IGFBP2: variants seen among roughly 807,000 people sequenced by gnomAD.
IGFBP2 encodes insulin-like growth factor-binding protein 2.
In IGFBP2, 12 loss-of-function variants were observed where a neutral mutation model predicts 26.2. That is an observed-to-expected ratio of 0.46 (90% CI 0.29 to 0.74). The LOEUF (loss-of-function observed/expected upper bound fraction) is 0.74. Ranked by LOEUF, IGFBP2 falls within the 30% of genes least tolerant of loss-of-function variation. The pLI is 0.09. For missense variants in IGFBP2, 328 were observed against 441.2 expected, an observed-to-expected ratio of 0.74 and a Z score of 2.30; for synonymous variants, 189 against 200.6, an observed-to-expected ratio of 0.94 and a Z score of 0.49.
chr2:216,664,152 A>C lies in IGFBP2; in HGVS notation c.*48A>C. ...CGCCCCTGCCCCCCGCCCCTCTCCAAACACCGGCAGAAAACGGAGAGTGCT... is the reference window on the plus strand; with the variant it reads ...CGCCCCTGCCCCCCGCCCCTCTCCACACACCGGCAGAAAACGGAGAGTGCT... On this transcript the variant is annotated 3_prime_UTR_variant, in exon 4 of 4. Transcript: ENST00000233809. The surrounding 1 kb of genome is among the most constrained non-coding windows in gnomAD (Gnocchi z 4.6). 1 of 1,452,228 alleles carries C rather than the reference A, an allele frequency of 6.9e-7. No individual in the cohort carries two copies. The highest frequency in any genetic ancestry group is 9.2e-7 in the Non-Finnish European group (1 of 1,082,420). 90.0% of individuals were successfully genotyped at this position (1,452,228 alleles called of 1,614,324 possible).
In IGFBP2 at chr2:216,651,118, A is replaced by G. The variant is rs545658181; in HGVS notation, c.443-9439A>G. Among the ~76,000 whole-genome samples, 13 of 152,282 alleles carry G rather than the reference A, an allele frequency of 8.5e-5. No homozygotes were observed. The East Asian group carries it at 2.5e-3, about 29-fold the overall frequency. ...TTTTGAAAAAAAAAGTCAGGGGAAG[A>G]CACATAAACAGTGTCACTCACCCAC... is the stretch of plus-strand genomic sequence containing the variant. On this transcript the variant is annotated intron_variant, in intron 1 of 3. Coordinates refer to ENST00000233809, the MANE Select transcript of IGFBP2 (RefSeq NM_000597.3).
rs866510747 is a variant in IGFBP2 at position 216,633,694 on chromosome 2, G to A, written c.171G>A (p.Pro57=). Residue 57 remains proline, a synonymous_variant, in exon 1 of 4, where the codon CCG becomes CCA. Transcript: ENST00000233809. ...GCCTGGCCGCCTGCGGGCCCCCGCC[G>A]GTTGCGCCGCCCGCCGCGGTGGCCG... ...PERLAACGPP[P]VAPPAAVAAV... 41 of 1,171,468 alleles carry A rather than the reference G, an allele frequency of 3.5e-5. No individual in the cohort carries two copies. The African/African-American group carries it at 6.0e-4, about 17-fold the overall frequency. The allele number at this position is 1,171,468 out of a possible 1,614,324, so 72.6% of individuals were successfully genotyped here. A position where few individuals can be genotyped will look rare whatever the true frequency, so the allele number is the denominator to read the frequency against.
chr2:216,647,727 A>T (rs373092135), intron 1 of IGFBP2, among the ~76,000 whole-genome samples: 1 of 152,062 alleles, frequency 6.6e-6, no homozygotes, highest in Non-Finnish European at 1.5e-5. Context: ...TCACCATGTT[A>T]GCCAGGATGG....
Position 216,660,629 on chromosome 2 carries a change from G to T in IGFBP2, c.515G>T (p.Gly172Val). Residue 172 changes from glycine to valine, a missense_variant, in exon 2 of 4, where the codon GGG becomes GTG. Coordinates refer to ENST00000233809, the MANE Select transcript of IGFBP2 (RefSeq NM_000597.3). The part of the protein sequence containing the change: ...HVDSTMNMLG[G>V]GGSAGRKPLK... ...GACAGCACCATGAACATGTTGGGCG[G>T]GGGAGGCAGTGCTGGCCGGAAGCCC... 6.2e-7 allele frequency: 1 copy of T among 1,614,128 alleles called. No individual in the cohort carries two copies. Among genetic ancestry groups the T allele is most frequent in the Non-Finnish European group, 8.5e-7 (1 of 1,180,032 alleles).
At chr2:216,644,391 G>A (rs968795824) in intron 1 of IGFBP2, among the ~76,000 whole-genome samples, 1 of 152,188 alleles carries the variant, frequency 6.6e-6, no homozygotes, top group Non-Finnish European at 1.5e-5. Context: ...TTTCTAATTA[G>A]TGGAGGACGG....
At chr2:216,646,992 T>C (rs1288069489) in intron 1 of IGFBP2, among the ~76,000 whole-genome samples, 1 of 152,174 alleles carries the variant, frequency 6.6e-6, no homozygotes, top group Non-Finnish European at 1.5e-5. Flanking sequence ...AACACATGCT[T>C]TTTCATGCTG....
Position 216,633,428 on chromosome 2 carries a change from A to G in IGFBP2, c.-96A>G, listed in dbSNP as rs1020942699. 1 of 190,548 alleles carries G rather than the reference A, an allele frequency of 5.2e-6. No individual in the cohort carries two copies. The highest frequency in any genetic ancestry group is 9.8e-6 in the Non-Finnish European group (1 of 101,904). The allele number at this position is 190,548 out of a possible 1,614,324, so 11.8% of individuals were successfully genotyped here. On this transcript the variant is annotated 5_prime_UTR_variant, in exon 1 of 4. Transcript: ENST00000233809. ...CTGCGGCGGCGAGGGAGGAGGAAGA[A>G]GCGGAGGAGGCGGCTCCCGCGCTCG...
chr2:216,651,292 T>C (rs1177676018), intron 1 of IGFBP2, among the ~76,000 whole-genome samples: 1 of 152,190 alleles, frequency 6.6e-6, no homozygotes, highest in East Asian at 1.9e-4. Context: ...GCTGTGCTAT[T>C]GAACATAGTG....
At chr2:216,655,972 G>T (rs1697914801) in intron 1 of IGFBP2, among the ~76,000 whole-genome samples, 1 of 151,572 alleles carries the variant, frequency 6.6e-6, no homozygotes, top group South Asian at 2.1e-4. Flanking sequence ...ATATTATATA[G>T]TAAGACTTTT....
intron 1 of IGFBP2, among the ~76,000 whole-genome samples, chr2:216,641,987 G>A (rs1448742661): frequency 1.4e-5 from 2 of 143,728 alleles, no homozygotes; most frequent in Admixed American, 7.1e-5. Flanking sequence ...CATGGTGCCC[G>A]ACCAGGCTTA....
At chr2:216,655,787 C>G (rs370576754) in intron 1 of IGFBP2, among the ~76,000 whole-genome samples, 2 of 151,794 alleles carry the variant, frequency 1.3e-5, no homozygotes, top group South Asian at 4.2e-4. Flanking sequence ...TCCAGCTACT[C>G]GAGAAGCTGA....
Position 216,633,619 on chromosome 2 carries a change from C to CGGG in IGFBP2, c.98_100dup (p.Gly33dup), listed in dbSNP as rs1697432818. 9.9e-7 allele frequency: 1 copy of CGGG among 1,013,662 alleles called. No homozygotes were observed. The highest frequency in any genetic ancestry group is 1.7e-5 in the African/African-American group (1 of 57,182). The allele number at this position is 1,013,662 out of a possible 1,614,324, so 62.8% of individuals were successfully genotyped here. A position where few individuals can be genotyped will look rare whatever the true frequency, so the allele number is the denominator to read the frequency against. On this transcript the variant is annotated inframe_insertion, in exon 1 of 4. Coordinates refer to ENST00000233809, the MANE Select transcript of IGFBP2 (RefSeq NM_000597.3). The stretch of plus-strand genomic sequence containing the variant: ...TACTGGGCGCGAGTGGCGGCGGCGG[C>CGGG]GGGGCGCGCGCGGAGGTGCTGTTCC...
chr2:216,641,506 A>G (rs560370387), intron 1 of IGFBP2, among the ~76,000 whole-genome samples: 38 of 152,300 alleles, frequency 2.5e-4, no homozygotes, highest in African/African-American at 8.2e-4. Context: ...TTCACCTATG[A>G]ATGGAAATAT....
chr2:216,641,880 C>T (rs1343182975), intron 1 of IGFBP2, among the ~76,000 whole-genome samples: 4 of 149,524 alleles, frequency 2.7e-5, no homozygotes, highest in East Asian at 2.0e-4. Context: ...TTAGTAGAGA[C>T]GGGGTTTCAC....
At chr2:216,635,299 G>T (rs958321121) in intron 1 of IGFBP2, among the ~76,000 whole-genome samples, 6 of 152,002 alleles carry the variant, frequency 3.9e-5, no homozygotes, top group African/African-American at 1.2e-4. Context: ...CCCTCGGCTC[G>T]CTTCCTTCCC....
At position 216,660,653 on chromosome 2, in the gene IGFBP2, C is replaced by A. The variant is rs1252210922; in HGVS notation, c.539C>A (p.Pro180His). ...GGGGGAGGCAGTGCTGGCCGGAAGCCCCTCAAGTCGGGTATGAAGGAGCTG... is the reference window on the plus strand; with the variant it reads ...GGGGGAGGCAGTGCTGGCCGGAAGCACCTCAAGTCGGGTATGAAGGAGCTG... ...LGGGGSAGRKPLKSGMKELAV... is the reference protein window; with the variant it reads ...LGGGGSAGRKHLKSGMKELAV... The change falls in exon 2 of 4, where the codon CCC becomes CAC. Residue 180 changes from proline to histidine, a missense_variant. Coordinates refer to ENST00000233809, the MANE Select transcript of IGFBP2 (RefSeq NM_000597.3). 6.2e-7 allele frequency: 1 copy of A among 1,614,008 alleles called. No homozygotes were observed. Among genetic ancestry groups the A allele is most frequent in the African/African-American group, 1.3e-5 (1 of 74,926 alleles).
chr2:216,644,605 A>C (rs9341140), intron 1 of IGFBP2, among the ~76,000 whole-genome samples: 213 of 151,810 alleles, frequency 1.4e-3, no homozygotes, highest in African/African-American at 5.0e-3. Context: ...GGGTGCAGAG[A>C]GTCAGTCATT....
At chr2:216,636,434 C>G (rs914148369) in intron 1 of IGFBP2, among the ~76,000 whole-genome samples, 1 of 150,486 alleles carries the variant, frequency 6.6e-6, no homozygotes, top group Non-Finnish European at 1.5e-5. Flanking sequence ...TGCTGGCTTC[C>G]TGGGGATGGC....
Position 216,664,275 on chromosome 2 carries a change from T to TAATGATA in IGFBP2, c.*171_*172insAATGATA. 5 of 492,466 alleles carry TAATGATA rather than the reference T, an allele frequency of 1.0e-5. No individual in the cohort carries two copies. The highest frequency in any genetic ancestry group is 4.4e-5 in the South Asian group (1 of 22,564). 30.5% of individuals were successfully genotyped at this position (492,466 alleles called of 1,614,324 possible). Reference sequence around the variant, plus strand: ...CTCGGCACCTCCCCGGCCTCTCTCTTCCCAGCTGCAGATGCCACACCTGCT... The same window carrying TAATGATA: ...CTCGGCACCTCCCCGGCCTCTCTCTTAATGATACCCAGCTGCAGATGCCACACCTGCT... On this transcript the variant is annotated 3_prime_UTR_variant, in exon 4 of 4. Transcript: ENST00000233809. The surrounding 1 kb of genome is among the most constrained non-coding windows in gnomAD (Gnocchi z 4.6).
Sources: allele counts gnomAD v4.1 joint callset (sites outside exome capture counted in the v4.1 genomes callset), GRCh38; gene constraint gnomAD v4.1.1; non-coding constraint Gnocchi (gnomAD v3.1); transcripts MANE v1.5; gene names NCBI Gene and HGNC (gene_info 2026-07-23, HGNC 2026-07-21).